PLGRKT: variants seen among roughly 807,000 people sequenced by gnomAD.
The protein encoded by PLGRKT is plasminogen receptor (KT).
Under a neutral mutation model 18.5 loss-of-function variants are expected in PLGRKT, and 22 were observed. That is an observed-to-expected ratio of 1.19 (90% CI 0.85 to 1.70). PLGRKT has a LOEUF of 1.70. Ranked by LOEUF, PLGRKT falls within the 40% of genes most tolerant of loss-of-function variation. PLGRKT has a pLI of 0.00. For missense variants in PLGRKT, 235 were observed against 174.4 expected (o/e 1.35, Z -1.96); for synonymous variants, 72 against 52.8 (o/e 1.36, Z -1.58).
At chr9:5,428,826 G>A (rs1159915090) in intron 3 of PLGRKT, among the ~76,000 whole-genome samples, 1 of 152,138 alleles carries the variant, frequency 6.6e-6, no homozygotes, top group Non-Finnish European at 1.5e-5. Context: ...AGCGTCCTGT[G>A]TAGCTGGGAC....
intron 3 of PLGRKT, among the ~76,000 whole-genome samples, chr9:5,380,814 T>C (rs1266833367): frequency 9.2e-5 from 14 of 152,220 alleles, no homozygotes; most frequent in Non-Finnish European, 1.5e-5. Flanking sequence ...TCCCCTAATA[T>C]GGTTTGGCTC....
At chr9:5,437,449 A>G in intron 1 of PLGRKT, among the ~76,000 whole-genome samples, 1 of 152,202 alleles carries the variant, frequency 6.6e-6, no homozygotes, top group East Asian at 1.9e-4. Context: ...GTTTTCTGTA[A>G]TTAACACCGC....
At chr9:5,372,132 C>G (rs1054314675) in intron 3 of PLGRKT, among the ~76,000 whole-genome samples, 1 of 151,800 alleles carries the variant, frequency 6.6e-6, no homozygotes, top group Non-Finnish European at 1.5e-5. Flanking sequence ...CAGGCACACA[C>G]CACCACGCCC....
intron 3 of PLGRKT, among the ~76,000 whole-genome samples, chr9:5,404,672 T>C (rs1043389244): frequency 1.3e-5 from 2 of 152,142 alleles, no homozygotes; most frequent in African/African-American, 2.4e-5. Context: ...GCCAATAGCA[T>C]ACTGAATGGG....
chr9:5,360,447 G>A (rs1817238361), intron 5 of PLGRKT, among the ~76,000 whole-genome samples: 1 of 152,200 alleles, frequency 6.6e-6, no homozygotes, highest in Admixed American at 6.5e-5. Flanking sequence ...GAGCATGGAT[G>A]TGTCCCAATA....
intron 3 of PLGRKT, 115 bp from the exon 4 acceptor site, chr9:5,362,003 T>C: frequency 9.8e-7 from 1 of 1,023,580 alleles, no homozygotes. Context: ...TCATGTTTTT[T>C]CAAAAAAATC....
At chr9:5,421,246 C>T (rs1448392839) in intron 3 of PLGRKT, among the ~76,000 whole-genome samples, 2 of 152,200 alleles carry the variant, frequency 1.3e-5, no homozygotes, top group Admixed American at 1.3e-4. Context: ...ATTCACTTTC[C>T]TTTTGCCTGA....
At chr9:5,399,660 T>G (rs188000230) in intron 3 of PLGRKT, among the ~76,000 whole-genome samples, 1 of 151,890 alleles carries the variant, frequency 6.6e-6, no homozygotes, top group East Asian at 1.9e-4. Context: ...AATATGCAAA[T>G]GTTTAAATAC....
intron 3 of PLGRKT, among the ~76,000 whole-genome samples, chr9:5,364,098 C>T (rs1415769847): frequency 6.6e-6 from 1 of 152,168 alleles, no homozygotes; most frequent in Non-Finnish European, 1.5e-5. Flanking sequence ...TAAACCTTTG[C>T]TGCACATCAT....
rs570061805 is a variant in PLGRKT, at chr9:5,427,130, T to C, written c.81+4767A>G. The stretch of plus-strand genomic sequence containing the variant: ...CAATTCATAATTTTTAAATTACCCA[T>C]CATTCTGAGTAATGTGATAAAATCT... On this transcript the variant is annotated intron_variant, in intron 3 of 5. Transcript: ENST00000223864. Among the ~76,000 whole-genome samples, 7 of 152,318 alleles carry C rather than the reference T, an allele frequency of 4.6e-5. No individual in the cohort carries two copies. In the South Asian group the frequency reaches 1.4e-3, roughly 32 times the overall value.
intron 3 of PLGRKT, among the ~76,000 whole-genome samples, chr9:5,390,183 C>G (rs9987672): frequency 0.27 from 40,468 of 150,968 alleles, 6,224 homozygotes; most frequent in African/African-American, 0.39. Flanking sequence ...GTGACTAATT[C>G]AGTTCTTCTG....
chr9:5,426,686 G>A (rs1264803819), intron 3 of PLGRKT, among the ~76,000 whole-genome samples: 1 of 152,212 alleles, frequency 6.6e-6, no homozygotes, highest in Non-Finnish European at 1.5e-5. Context: ...ATCTTGCTGG[G>A]TAGGATGAGG....
At chr9:5,374,412 C>T (rs879294142) in intron 3 of PLGRKT, among the ~76,000 whole-genome samples, 29 of 152,308 alleles carry the variant, frequency 1.9e-4, no homozygotes, top group Middle Eastern at 3.4e-3. Context: ...TTCTTTAGCT[C>T]CTAGACAAGA....
At chr9:5,377,032 C>T (rs1817641949) in intron 3 of PLGRKT, among the ~76,000 whole-genome samples, 1 of 152,092 alleles carries the variant, frequency 6.6e-6, no homozygotes, top group Non-Finnish European at 1.5e-5. Flanking sequence ...CAGAATGAAT[C>T]TGTACTCAGG....
chr9:5,368,687 C>T (rs1184213237), intron 3 of PLGRKT, among the ~76,000 whole-genome samples: 1 of 152,126 alleles, frequency 6.6e-6, no homozygotes, highest in Non-Finnish European at 1.5e-5. Flanking sequence ...CAGCGCCACA[C>T]ATAATAAACC....
chr9:5,361,296 T>A (rs1817259995), intron 4 of PLGRKT, 109 bp from the exon 5 acceptor site: 1 of 624,766 alleles, frequency 1.6e-6, no homozygotes, highest in South Asian at 2.1e-5. Flanking sequence ...TGCCTTTTCC[T>A]TCAGAAGTTA....
intron 3 of PLGRKT, among the ~76,000 whole-genome samples, chr9:5,367,030 T>C (rs10739073): frequency 0.14 from 15,547 of 112,346 alleles, 1,162 homozygotes; most frequent in African/African-American, 0.2. Flanking sequence ...TACACACACA[T>C]ACACACACAC....
At chr9:5,417,106 T>G (rs1233649089) in intron 3 of PLGRKT, among the ~76,000 whole-genome samples, 1 of 152,210 alleles carries the variant, frequency 6.6e-6, no homozygotes, top group Non-Finnish European at 1.5e-5. Context: ...CATTCCAGCT[T>G]TGAAAGAGAA....
intron 3 of PLGRKT, among the ~76,000 whole-genome samples, chr9:5,373,516 T>C (rs1352562831): frequency 6.6e-6 from 1 of 152,164 alleles, no homozygotes; most frequent in Non-Finnish European, 1.5e-5. Flanking sequence ...ATGAGAAAAT[T>C]AGGCTGAGCA....
Sources: allele counts gnomAD v4.1 joint callset (sites outside exome capture counted in the v4.1 genomes callset), GRCh38; gene constraint gnomAD v4.1.1; transcripts MANE v1.5; gene names NCBI Gene and HGNC (gene_info 2026-07-23, HGNC 2026-07-21).